The following PDE4B variants were observed in gnomAD, a reference collection of about 807,000 sequenced individuals.
PDE4B encodes the protein phosphodiesterase 4B, also known as 3',5'-cyclic-AMP phosphodiesterase 4B.
In PDE4B, 20 loss-of-function variants were observed where a neutral mutation model predicts 82.2. The ratio of observed to expected loss-of-function variants is 0.24; its 90% confidence interval spans 0.17 to 0.35. The LOEUF (loss-of-function observed/expected upper bound fraction) is 0.35. PDE4B is among the 10% of genes least tolerant of loss of function. The pLI, the probability that PDE4B is intolerant of heterozygous loss-of-function variation, is 1.00. For synonymous variants in PDE4B, 320 were observed against 318.9 expected (o/e 1.00, Z -0.04); for missense variants, 655 against 907.2 (o/e 0.72, Z 3.57).
intron 1 of PDE4B, among the ~76,000 whole-genome samples, chr1:65,886,655 A>T (rs1377153469): frequency 6.6e-6 from 1 of 152,108 alleles, no homozygotes; most frequent in Non-Finnish European, 1.5e-5. Context: ...TGTGCCTGGT[A>T]TATTTCACTT....
intron 3 of PDE4B, among the ~76,000 whole-genome samples, chr1:65,978,259 C>T (rs770770283): frequency 6.6e-6 from 1 of 152,134 alleles, no homozygotes; most frequent in Admixed American, 6.5e-5. Context: ...AACTCCTGAT[C>T]TCAGGTGATC....
intron 1 of PDE4B, among the ~76,000 whole-genome samples, chr1:65,798,053 C>T (rs199659359): frequency 2.0e-5 from 3 of 151,962 alleles, no homozygotes. Flanking sequence ...GAGTTTCGCT[C>T]TGTCACCCAG....
intron 1 of PDE4B, among the ~76,000 whole-genome samples, chr1:65,912,471 C>G (rs911797348): frequency 2.6e-5 from 4 of 152,066 alleles, no homozygotes; most frequent in African/African-American, 4.8e-5. Flanking sequence ...CCCTTAAATT[C>G]TGGTAGTGTT....
chr1:66,260,197 A>G (rs1376615261), intron 6 of PDE4B, among the ~76,000 whole-genome samples: 1 of 152,210 alleles, frequency 6.6e-6, no homozygotes, highest in Non-Finnish European at 1.5e-5. Flanking sequence ...CCCCCACTCT[A>G]TGGATAAGGA....
intron 3 of PDE4B, among the ~76,000 whole-genome samples, chr1:66,033,929 G>C (rs1000394185): frequency 2.6e-5 from 4 of 152,128 alleles, no homozygotes; most frequent in African/African-American, 9.7e-5. Flanking sequence ...CTACTCCATT[G>C]AATGACAGCT....
intron 3 of PDE4B, among the ~76,000 whole-genome samples, chr1:66,236,129 A>G (rs1429533086): frequency 6.6e-6 from 1 of 152,072 alleles, no homozygotes; most frequent in Non-Finnish European, 1.5e-5. Context: ...TTTTTTGGAT[A>G]GTTGTTTTAT....
intron 3 of PDE4B, among the ~76,000 whole-genome samples, chr1:65,978,808 A>C (rs1386218998): frequency 6.6e-6 from 1 of 152,186 alleles, no homozygotes; most frequent in Non-Finnish European, 1.5e-5. Flanking sequence ...TGAATACTGA[A>C]TCATTTAGAA....
At chr1:66,145,302 A>G (rs79629697) in intron 3 of PDE4B, among the ~76,000 whole-genome samples, 1 of 152,304 alleles carries the variant, frequency 6.6e-6, no homozygotes, top group African/African-American at 2.4e-5. Context: ...AGGGAACTGC[A>G]GAAAATACAT....
At position 65,973,876 on chromosome 1, in the gene PDE4B, G is replaced by A. The variant is rs543176984; in HGVS notation, c.281+55041G>A. ...CACCCAAGCTGGAAAGCAATGGCAC[G>A]ATGCCGGCTCACTGTAACGTCCACC... is the stretch of plus-strand genomic sequence containing the variant. On this transcript the variant is annotated intron_variant, in intron 3 of 16. Transcript: ENST00000341517. Among the ~76,000 whole-genome samples the A allele has an allele frequency of 1.8e-4, 27 of 152,028 alleles. No individual in the cohort carries two copies. In the South Asian group the frequency reaches 5.2e-3, roughly 29 times the overall value.
intron 1 of PDE4B, among the ~76,000 whole-genome samples, chr1:65,836,156 G>T (rs560156878): frequency 1.4e-3 from 220 of 152,126 alleles, no homozygotes; most frequent in Non-Finnish European, 2.7e-3. Flanking sequence ...TGGCCAGGCT[G>T]GTCTCGAACT....
chr1:66,140,771 T>A lies in PDE4B; in HGVS notation c.282-106689T>A, dbSNP rs929919281. Among the ~76,000 whole-genome samples, 4 of 152,204 alleles carry A rather than the reference T, an allele frequency of 2.6e-5. No individual in the cohort carries two copies. The South Asian group carries it at 8.3e-4, about 32-fold the overall frequency. ...ATTAAAGTTACAGTTAAATCTTTTATATGGATGCATTTTCATTGGGAGGAG... is the reference window on the plus strand; with the variant it reads ...ATTAAAGTTACAGTTAAATCTTTTAAATGGATGCATTTTCATTGGGAGGAG... On this transcript the variant is annotated intron_variant, in intron 3 of 16. Coordinates refer to ENST00000341517, the MANE Select transcript of PDE4B (RefSeq NM_002600.4).
chr1:66,246,909 C>T (rs190612364), intron 3 of PDE4B, among the ~76,000 whole-genome samples: 25 of 152,336 alleles, frequency 1.6e-4, no homozygotes, highest in Admixed American at 1.5e-3. Context: ...CTGGGCCTCC[C>T]ATCTAATAAC....
At chr1:65,802,125 G>C (rs1645700236) in intron 1 of PDE4B, among the ~76,000 whole-genome samples, 2 of 152,154 alleles carry the variant, frequency 1.3e-5, no homozygotes, top group East Asian at 1.9e-4. Flanking sequence ...ATTCATTTGG[G>C]AGTAACCAAT....
chr1:65,930,120 G>A (rs1266812075), intron 3 of PDE4B, among the ~76,000 whole-genome samples: 1 of 152,178 alleles, frequency 6.6e-6, no homozygotes, highest in African/African-American at 2.4e-5. Flanking sequence ...ATGTTTGAGG[G>A]CAGGAAGCAT....
intron 3 of PDE4B, among the ~76,000 whole-genome samples, chr1:66,058,532 T>A (rs1655420408): frequency 2.0e-5 from 3 of 152,242 alleles, no homozygotes; most frequent in Admixed American, 2.0e-4. Context: ...TGCCTGGGCA[T>A]GCAGGCATTT....
intron 3 of PDE4B, among the ~76,000 whole-genome samples, chr1:66,030,220 A>T (rs6674699): frequency 0.22 from 33,241 of 152,048 alleles, 4,150 homozygotes; most frequent in Middle Eastern, 0.36. Context: ...TGTGGTGAAT[A>T]AACCTTTTGA....
At chr1:65,862,650 T>G (rs1415045214) in intron 1 of PDE4B, among the ~76,000 whole-genome samples, 1 of 152,228 alleles carries the variant, frequency 6.6e-6, no homozygotes, top group Non-Finnish European at 1.5e-5. Flanking sequence ...GTACCTCTGG[T>G]AGCATTTAGC....
chr1:65,941,514 C>A (rs1409775524), intron 3 of PDE4B, among the ~76,000 whole-genome samples: 1 of 151,822 alleles, frequency 6.6e-6, no homozygotes, highest in Non-Finnish European at 1.5e-5. Flanking sequence ...TGTCCTTTAC[C>A]AGAGGAAAAA....
chr1:65,913,278 A>G lies in PDE4B; in HGVS notation c.-37A>G, dbSNP rs767326726. 6.3e-7 allele frequency: 1 copy of G among 1,598,598 alleles called. No homozygotes were observed. Among genetic ancestry groups the G allele is most frequent in the Non-Finnish European group, 8.6e-7 (1 of 1,166,096 alleles). On this transcript the variant is annotated 5_prime_UTR_variant, in exon 2 of 17. Coordinates refer to ENST00000341517, the MANE Select transcript of PDE4B (RefSeq NM_002600.4). Reference sequence around the variant, plus strand: ...AAGTGTCAGCAAACTGCATTGAATAACAGACATCCTAAGAGGGGATATTTT... The same window carrying G: ...AAGTGTCAGCAAACTGCATTGAATAGCAGACATCCTAAGAGGGGATATTTT...
Sources: gnomAD v4.1 joint callset for allele counts (sites outside exome capture counted in the v4.1 genomes callset) on GRCh38, gnomAD v4.1.1 for gene constraint, MANE v1.5 for transcripts, NCBI Gene and HGNC (gene_info 2026-07-23, HGNC 2026-07-21) for gene names.